The following TENM2 variants were observed in gnomAD, a reference collection of about 807,000 sequenced individuals.
The protein encoded by TENM2 is teneurin transmembrane protein 2.
Under a neutral mutation model 245.2 loss-of-function variants are expected in TENM2, and 52 were observed. That is an observed-to-expected ratio of 0.21 (90% CI 0.17 to 0.27). The LOEUF is 0.27. TENM2 is among the 10% of genes least tolerant of loss of function. The pLI is 1.00. For missense variants in TENM2, 3,046 were observed against 3,666.8 expected, an observed-to-expected ratio of 0.83 and a Z score of 4.37; for synonymous variants, 1,363 against 1,438.9, an observed-to-expected ratio of 0.95 and a Z score of 1.19.
At chr5:167,893,851 C>T (rs868204731) in intron 3 of TENM2, among the ~76,000 whole-genome samples, 2 of 152,214 alleles carry the variant, frequency 1.3e-5, no homozygotes, top group Non-Finnish European at 1.5e-5. Context: ...TACCCTAGTT[C>T]CTGCGCTTCA....
intron 2 of TENM2, among the ~76,000 whole-genome samples, chr5:167,516,910 C>G (rs1345523455): frequency 2.0e-5 from 3 of 152,150 alleles, no homozygotes; most frequent in Admixed American, 2.0e-4. Flanking sequence ...TAATAATGAG[C>G]ACAAGATATG....
intron 25 of TENM2, among the ~76,000 whole-genome samples, chr5:168,229,228 C>CG (rs370569764): frequency 0.32 from 48,333 of 152,002 alleles, 11,730 homozygotes; most frequent in African/African-American, 0.66. Context: ...TCCAAGGACA[C>CG]AATAGCTAGA....
chr5:168,182,924 G>T (rs62383457), intron 13 of TENM2, among the ~76,000 whole-genome samples: 1 of 146,180 alleles, frequency 6.8e-6, no homozygotes, highest in African/African-American at 2.5e-5. Flanking sequence ...TCCGCCTCCC[G>T]CGTTCAAGCG....
intron 1 of TENM2, among the ~76,000 whole-genome samples, chr5:167,288,577 A>G (rs1380332159): frequency 6.6e-6 from 1 of 150,782 alleles, no homozygotes; most frequent in East Asian, 1.9e-4. Context: ...AAAAAAAAGA[A>G]AAAGAAAAGA....
intron 7 of TENM2, among the ~76,000 whole-genome samples, chr5:168,071,300 G>A (rs1283435554): frequency 1.3e-5 from 2 of 152,182 alleles, no homozygotes; most frequent in Non-Finnish European, 2.9e-5. Context: ...TGGTTTCAAA[G>A]CATTCATGAC....
the TENM2 span, among the ~76,000 whole-genome samples, chr5:167,227,464 C>T: frequency 5.9e-5 from 9 of 152,224 alleles, no homozygotes; most frequent in South Asian, 1.9e-3. Flanking sequence ...AAATGAATTC[C>T]CTCGGTCTTT....
intron 2 of TENM2, among the ~76,000 whole-genome samples, chr5:167,683,493 TATAA>T (rs1467101634): frequency 2.0e-5 from 3 of 152,220 alleles, no homozygotes; most frequent in Non-Finnish European, 4.4e-5. Context: ...GTTGTTGTTA[TATAA>T]ATACCTGGTT....
chr5:167,617,671 C>G (rs1408504893), intron 2 of TENM2, among the ~76,000 whole-genome samples: 1 of 152,122 alleles, frequency 6.6e-6, no homozygotes, highest in Non-Finnish European at 1.5e-5. Context: ...CTAGTAGAGG[C>G]TTCGTGTTTG....
chr5:168,026,418 T>A (rs1356738848), intron 5 of TENM2, among the ~76,000 whole-genome samples: 2 of 152,178 alleles, frequency 1.3e-5, no homozygotes, highest in Non-Finnish European at 2.9e-5. Context: ...CAGAGAGAAA[T>A]CCTGAAAGTG....
chr5:167,426,724 T>C (rs1265142304), intron 2 of TENM2, among the ~76,000 whole-genome samples: 1 of 152,186 alleles, frequency 6.6e-6, no homozygotes, highest in African/African-American at 2.4e-5. Flanking sequence ...CAATTTGAGC[T>C]ATTTCTTCAT....
At chr5:167,753,917 C>T (rs935099223) in intron 2 of TENM2, among the ~76,000 whole-genome samples, 3 of 152,082 alleles carry the variant, frequency 2.0e-5, no homozygotes, top group African/African-American at 7.2e-5. Context: ...TGGTAATGAG[C>T]CATTATGCTC....
At chr5:167,540,194 C>G (rs1281453502) in intron 2 of TENM2, among the ~76,000 whole-genome samples, 2 of 152,148 alleles carry the variant, frequency 1.3e-5, no homozygotes, top group Non-Finnish European at 2.9e-5. Context: ...CATATTCAGT[C>G]AAATCTCCAA....
chr5:167,774,073 G>T (rs752472419), intron 2 of TENM2, among the ~76,000 whole-genome samples: 27 of 145,362 alleles, frequency 1.9e-4, no homozygotes, highest in Non-Finnish European at 2.9e-4. Context: ...CAAAAGCTTG[G>T]TTCTTACATT....
intron 2 of TENM2, among the ~76,000 whole-genome samples, chr5:167,646,202 T>TATATATATATATATATGTTGTTTTC (rs1561634218): frequency 1.3e-4 from 14 of 105,408 alleles, no homozygotes; most frequent in African/African-American, 9.0e-4. Flanking sequence ...GTTGTTTTCA[T>TATATATATATATATATGTTGTTTTC]ATATATATAT....
intron 2 of TENM2, among the ~76,000 whole-genome samples, chr5:167,509,430 G>A (rs1476680985): frequency 6.6e-6 from 1 of 152,180 alleles, no homozygotes; most frequent in Non-Finnish European, 1.5e-5. Context: ...AACTTGAAAA[G>A]TTGCGTTTGC....
chr5:167,320,598 G>A (rs1411390479), intron 1 of TENM2, among the ~76,000 whole-genome samples: 2 of 152,158 alleles, frequency 1.3e-5, no homozygotes, highest in African/African-American at 4.8e-5. Context: ...GCATGATTAA[G>A]TCATGAGAGC....
At chr5:167,045,722 C>T in the TENM2 span, among the ~76,000 whole-genome samples, 4 of 152,194 alleles carry the variant, frequency 2.6e-5, no homozygotes, top group African/African-American at 4.8e-5. Context: ...TTAAGCAACT[C>T]TAGGGGAGGC....
intron 1 of TENM2, chr5:167,287,396 A>G (rs1754351333): frequency 1.3e-5 from 2 of 152,316 alleles, no homozygotes; most frequent in Admixed American, 6.5e-5. Flanking sequence ...TTATTAGCCT[A>G]GAGGTACATT....
At chr5:167,660,463 T>G (rs200246262) in intron 2 of TENM2, 1 of 40,868 alleles carries the variant, frequency 2.4e-5, no homozygotes, top group African/African-American at 1.6e-4. Flanking sequence ...AGGCTGTGTC[T>G]CAAAAAAAAA....
Sources: allele counts gnomAD v4.1 joint callset (sites outside exome capture counted in the v4.1 genomes callset), GRCh38; gene constraint gnomAD v4.1.1; transcripts MANE v1.5; gene names NCBI Gene and HGNC (gene_info 2026-07-23, HGNC 2026-07-21).